The following SEMA6D variants were observed in gnomAD, a reference collection of about 807,000 sequenced individuals.
The protein encoded by SEMA6D is semaphorin 6D, also known as semaphorin-6D.
Under a neutral mutation model 106.6 loss-of-function variants are expected in SEMA6D, and 35 were observed. That is an observed-to-expected ratio of 0.33 (90% CI 0.25 to 0.44). The LOEUF is 0.44. Among genes scored for constraint, SEMA6D ranks in the 20% least tolerant of loss-of-function variants. The pLI is 1.00. For synonymous variants in SEMA6D, 499 were observed against 487.7 expected (o/e 1.02, Z -0.31); for missense variants, 1,185 against 1,345.9 (o/e 0.88, Z 1.87).
intron 3 of SEMA6D, among the ~76,000 whole-genome samples, chr15:47,479,865 C>CTTTTTTTTTTTT (rs887943372): frequency 2.4e-5 from 3 of 126,188 alleles, no homozygotes; most frequent in African/African-American, 6.4e-5. Context: ...TCTTATCATT[C>CTTTTTTTTTTTT]TTTTTTTTTT....
At chr15:47,486,469 C>A (rs953113832) in intron 3 of SEMA6D, among the ~76,000 whole-genome samples, 7 of 152,198 alleles carry the variant, frequency 4.6e-5, no homozygotes, top group African/African-American at 1.7e-4. Context: ...ATGCTTTGAG[C>A]TCTTTCTAGT....
At chr15:47,581,383 G>T (rs771547445) in intron 3 of SEMA6D, 1 of 493,958 alleles carries the variant, frequency 2.0e-6, no homozygotes, top group South Asian at 1.5e-5. Flanking sequence ...AAATAAACAA[G>T]ATAATTCCAT....
chr15:47,651,502 T>C (rs1177036182), intron 4 of SEMA6D, among the ~76,000 whole-genome samples: 2 of 152,212 alleles, frequency 1.3e-5, no homozygotes, highest in African/African-American at 4.8e-5. Flanking sequence ...CCTAATCCAT[T>C]CATAGCTGAT....
chr15:47,341,813 C>G (rs544600178), intron 1 of SEMA6D, among the ~76,000 whole-genome samples: 4 of 152,062 alleles, frequency 2.6e-5, no homozygotes, highest in Non-Finnish European at 5.9e-5. Context: ...TGTGATATTC[C>G]TTGTGCCTTC....
At chr15:47,452,159 G>A (rs2042213154) in intron 2 of SEMA6D, among the ~76,000 whole-genome samples, 1 of 151,892 alleles carries the variant, frequency 6.6e-6, no homozygotes, top group Non-Finnish European at 1.5e-5. Context: ...GTTCTTCATA[G>A]CAGCAAGCAC....
chr15:47,607,921 A>T (rs1430948937), intron 4 of SEMA6D, among the ~76,000 whole-genome samples: 1 of 152,190 alleles, frequency 6.6e-6, no homozygotes, highest in Admixed American at 6.5e-5. Flanking sequence ...TTCTTTGGCC[A>T]CTTTGTTTTC....
At chr15:47,290,240 C>A (rs1471336807) in intron 1 of SEMA6D, among the ~76,000 whole-genome samples, 1 of 152,174 alleles carries the variant, frequency 6.6e-6, no homozygotes, top group Non-Finnish European at 1.5e-5. Flanking sequence ...CATTATGCCA[C>A]CTTTGGCAAA....
intron 1 of SEMA6D, among the ~76,000 whole-genome samples, chr15:47,373,420 T>TA (rs1412174274): frequency 6.6e-6 from 1 of 152,172 alleles, no homozygotes; most frequent in African/African-American, 2.4e-5. Flanking sequence ...TATTAACTCT[T>TA]ATGCATGACT....
At chr15:47,561,641 T>C (rs1265838370) in intron 3 of SEMA6D, among the ~76,000 whole-genome samples, 1 of 151,038 alleles carries the variant, frequency 6.6e-6, no homozygotes, top group Non-Finnish European at 1.5e-5. Flanking sequence ...TATAAATGTG[T>C]TTTTCAATTT....
chr15:47,571,115 A>G (rs1168090530), intron 3 of SEMA6D, among the ~76,000 whole-genome samples: 1 of 152,098 alleles, frequency 6.6e-6, no homozygotes, highest in Non-Finnish European at 1.5e-5. Context: ...GCTGTGTCTC[A>G]GTCTTTATCT....
chr15:47,290,570 G>A (rs565166808), intron 1 of SEMA6D, among the ~76,000 whole-genome samples: 65 of 151,314 alleles, frequency 4.3e-4, no homozygotes, highest in South Asian at 1.0e-3. Flanking sequence ...GTATATCACC[G>A]GAAATGATTT....
chr15:47,563,437 G>C (rs2142738846), intron 3 of SEMA6D, among the ~76,000 whole-genome samples: 1 of 152,268 alleles, frequency 6.6e-6, no homozygotes, highest in South Asian at 2.1e-4. Flanking sequence ...AATGCCAACT[G>C]TTCTTGAAAT....
At chr15:47,471,147 G>C (rs2042823836) in intron 3 of SEMA6D, among the ~76,000 whole-genome samples, 1 of 152,166 alleles carries the variant, frequency 6.6e-6, no homozygotes, top group South Asian at 2.1e-4. Context: ...GGTGGGAGCA[G>C]GGCCAGGGCA....
intron 1 of SEMA6D, among the ~76,000 whole-genome samples, chr15:47,738,056 T>C (rs967752752): frequency 2.0e-5 from 3 of 150,728 alleles, no homozygotes; most frequent in Non-Finnish European, 4.4e-5. Flanking sequence ...AAAAAAGGGT[T>C]ACATATGCAG....
chr15:47,241,997 G>C (rs1224545796), intron 1 of SEMA6D, among the ~76,000 whole-genome samples: 1 of 152,088 alleles, frequency 6.6e-6, no homozygotes, highest in Non-Finnish European at 1.5e-5. Flanking sequence ...CTGGAGTAAG[G>C]CAGTCACGGG....
intron 3 of SEMA6D, among the ~76,000 whole-genome samples, chr15:47,476,468 C>G (rs986663405): frequency 6.6e-6 from 1 of 152,112 alleles, no homozygotes; most frequent in African/African-American, 2.4e-5. Flanking sequence ...AATGGTGGAG[C>G]TTAGAAACAG....
At chr15:47,233,489 T>G (rs1042190938) in intron 1 of SEMA6D, among the ~76,000 whole-genome samples, 8 of 152,192 alleles carry the variant, frequency 5.3e-5, no homozygotes, top group Middle Eastern at 3.4e-3. Flanking sequence ...AGCATTTCAG[T>G]AACGATTGCA....
intron 1 of SEMA6D, among the ~76,000 whole-genome samples, chr15:47,195,012 C>G (rs977938032): frequency 6.6e-6 from 1 of 152,234 alleles, no homozygotes; most frequent in Middle Eastern, 3.4e-3. Flanking sequence ...AGTTTTCCAC[C>G]AAGTTACGTA....
chr15:47,254,329 G>A (rs377094237), intron 1 of SEMA6D, among the ~76,000 whole-genome samples: 58 of 132,690 alleles, frequency 4.4e-4, no homozygotes, highest in Non-Finnish European at 7.9e-4. Flanking sequence ...ATGTGTGTGT[G>A]TGTATATATA....
Sources: allele counts gnomAD v4.1 joint callset (sites outside exome capture counted in the v4.1 genomes callset), GRCh38; gene constraint gnomAD v4.1.1; transcripts MANE v1.5; gene names NCBI Gene and HGNC (gene_info 2026-07-23, HGNC 2026-07-21).